Variants in ONECUT3 observed in about 807,000 individuals in gnomAD.
ONECUT3 encodes one cut domain family member 3.
Under a neutral mutation model 16.8 loss-of-function variants are expected in ONECUT3, and 11 were observed. The observed-to-expected ratio is 0.66, with a 90% CI of 0.41 to 1.09. ONECUT3 has a LOEUF of 1.09. ONECUT3 is among the 50% of genes least tolerant of loss of function. The pLI is 0.00. For synonymous variants in ONECUT3, 344 were observed against 310.7 expected (o/e 1.11, Z -1.13); for missense variants, 637 against 629.9 (o/e 1.01, Z -0.12).
chr19:1,755,549 C>T lies in ONECUT3; in HGVS notation c.1192+695C>T, dbSNP rs530739865. On this transcript the variant is annotated intron_variant, in intron 1 of 1. Coordinates refer to ENST00000382349, the MANE Select transcript of ONECUT3 (RefSeq NM_001080488.2). The surrounding 1 kb of genome is among the most constrained non-coding windows in gnomAD (Gnocchi z 7.5). ...GCGCCGCCCGGAGGCCTTCACACCCCGACCCGGCGCCCGCCCCGCGCAGTT... is the reference window on the plus strand; with the variant it reads ...GCGCCGCCCGGAGGCCTTCACACCCTGACCCGGCGCCCGCCCCGCGCAGTT... Among the ~76,000 whole-genome samples, 3 of 152,134 alleles carry T rather than the reference C, an allele frequency of 2.0e-5. No homozygotes were observed. The East Asian group carries it at 5.8e-4, about 30-fold the overall frequency.
At position 1,775,604 on chromosome 19, in the gene ONECUT3, C is replaced by T; in HGVS notation, c.*159C>T. On this transcript the variant is annotated 3_prime_UTR_variant, in exon 2 of 2. Transcript: ENST00000382349. ...ACCCGGGGAGGGGGAAGCAGCACACCCCCCAGCCCAAGTGCACAAAAAGGG... is the reference window on the plus strand; with the variant it reads ...ACCCGGGGAGGGGGAAGCAGCACACTCCCCAGCCCAAGTGCACAAAAAGGG... 6.2e-6 allele frequency: 4 copies of T among 645,076 alleles called. No homozygotes were observed. In the South Asian group the frequency reaches 9.3e-5, roughly 15 times the overall value. 40.0% of individuals were successfully genotyped at this position (645,076 alleles called of 1,614,324 possible).
At chr19:1,770,777 G>C (rs1173168075) in intron 1 of ONECUT3, among the ~76,000 whole-genome samples, 2 of 152,082 alleles carry the variant, frequency 1.3e-5, no homozygotes, top group Admixed American at 6.5e-5. Flanking sequence ...TCAGTTTTTT[G>C]CATTTCCTTC....
Position 1,754,910 on chromosome 19 carries a change from G to A in ONECUT3, c.1192+56G>A. 7.7e-7 allele frequency: 1 copy of A among 1,296,154 alleles called. No homozygotes were observed. The highest frequency in any genetic ancestry group is 9.8e-7 in the Non-Finnish European group (1 of 1,019,338). The allele number at this position is 1,296,154 out of a possible 1,614,324, so 80.3% of individuals were successfully genotyped here. On this transcript the variant is annotated intron_variant, in intron 1 of 1. Coordinates refer to ENST00000382349, the MANE Select transcript of ONECUT3 (RefSeq NM_001080488.2). This position sits in a 1 kb window ranked among gnomAD's most constrained non-coding sequence, Gnocchi z 7.4. ...GGGGGCGCCGGCTCTGGACTCCCGA[G>A]CACCTAGCGGGGCGGCGGCCGATGC...
chr19:1,772,860 ATTTTTTT>A (rs759006591), intron 1 of ONECUT3, among the ~76,000 whole-genome samples: 5 of 107,214 alleles, frequency 4.7e-5, no homozygotes, highest in African/African-American at 1.6e-4. Context: ...CGTCCAGCTA[ATTTTTTT>A]TTTTTTTTTT....
At chr19:1,774,687 TG>T (rs1397674033) in intron 1 of ONECUT3, among the ~76,000 whole-genome samples, 2 of 53,172 alleles carry the variant, frequency 3.8e-5, no homozygotes, top group African/African-American at 1.6e-4. Context: ...GGACGGGGTT[TG>T]GGGGGTATGA....
In ONECUT3 at chr19:1,777,866, G is replaced by C. The variant is rs2068124579; in HGVS notation, c.*2421G>C. ...AAAAATTAGCTGGGCGAGGTGGCAG[G>C]CACCTGTAATCCCAGCCACCTGGGA... is the stretch of plus-strand genomic sequence containing the variant. On this transcript the variant is annotated 3_prime_UTR_variant, in exon 2 of 2. Coordinates refer to ENST00000382349, the MANE Select transcript of ONECUT3 (RefSeq NM_001080488.2). The C allele has an allele frequency of 6.6e-6, 1 of 151,726 alleles. No homozygotes were observed. Among genetic ancestry groups the C allele is most frequent in the African/African-American group, 2.4e-5 (1 of 41,282 alleles). The allele number at this position is 151,726 out of a possible 1,614,324, so 9.4% of individuals were successfully genotyped here.
chr19:1,779,407 G>C lies in ONECUT3; in HGVS notation c.*3962G>C, dbSNP rs1435153184. Reference sequence around the variant, plus strand: ...TAGGAAAGAAAGGAAGAGAGAGAGAGAGCGAGCGCAAGAGAGAGAGAGAGG... The same window carrying C: ...TAGGAAAGAAAGGAAGAGAGAGAGACAGCGAGCGCAAGAGAGAGAGAGAGG... On this transcript the variant is annotated 3_prime_UTR_variant, in exon 2 of 2. Transcript: ENST00000382349. The C allele has an allele frequency of 6.6e-6, 1 of 151,948 alleles. No homozygotes were observed. Among genetic ancestry groups the C allele is most frequent in the African/African-American group, 2.4e-5 (1 of 41,322 alleles). 9.4% of individuals were successfully genotyped at this position (151,948 alleles called of 1,614,324 possible).
Position 1,754,193 on chromosome 19 carries a change from G to C in ONECUT3, c.531G>C (p.Ala177=), listed in dbSNP as rs1429060048. Residue 177 remains alanine, a synonymous_variant, in exon 1 of 2, where the codon GCG becomes GCC. Transcript: ENST00000382349. The surrounding 1 kb of genome is among the most constrained non-coding windows in gnomAD (Gnocchi z 7.4). ...SFTLMRDERA[A]LASVGHLYGP... ...CCCTCATGCGCGACGAGCGGGCGGC[G>C]CTCGCCTCCGTGGGCCACCTCTACG... The C allele has an allele frequency of 3.5e-6, 4 of 1,154,162 alleles. No homozygotes were observed. The highest frequency in any genetic ancestry group is 4.0e-5 in the South Asian group (2 of 50,118). The allele number at this position is 1,154,162 out of a possible 1,614,324, so 71.5% of individuals were successfully genotyped here. A position where few individuals can be genotyped will look rare whatever the true frequency, so the allele number is the denominator to read the frequency against.
At position 1,759,462 on chromosome 19, in the gene ONECUT3, G is replaced by C. The variant is rs1031112557; in HGVS notation, c.1192+4608G>C. ...AACCCCCACCCAAACTCTGGATGAA[G>C]GGGAGGGATGAGCAGGGAGAGGAGG... On this transcript the variant is annotated intron_variant, in intron 1 of 1. Transcript: ENST00000382349. This position sits in a 1 kb window ranked among gnomAD's most constrained non-coding sequence, Gnocchi z 4.1. 6.6e-6 allele frequency among the ~76,000 whole-genome samples: 1 copy of C among 151,828 alleles called. No homozygotes were observed. Among genetic ancestry groups the C allele is most frequent in the African/African-American group, 2.4e-5 (1 of 41,278 alleles).
chr19:1,758,058 C>A lies in ONECUT3; in HGVS notation c.1192+3204C>A, dbSNP rs565534979. On this transcript the variant is annotated intron_variant, in intron 1 of 1. Transcript: ENST00000382349. This position sits in a 1 kb window ranked among gnomAD's most constrained non-coding sequence, Gnocchi z 5.9. ...GCGGGCCACGCGTTTCCGCAGGTGC[C>A]GAGTGTCCTGCCGGGCGCCGGGGCC... Among the ~76,000 whole-genome samples the A allele has an allele frequency of 1.3e-5, 2 of 152,092 alleles. No homozygotes were observed. Among genetic ancestry groups the A allele is most frequent in the Non-Finnish European group, 2.9e-5 (2 of 68,016 alleles).
intron 1 of ONECUT3, among the ~76,000 whole-genome samples, chr19:1,756,695 A>ATTTTTTTTTTTTTTTTT (rs58105449): frequency 3.7e-4 from 37 of 101,136 alleles, no homozygotes; most frequent in East Asian, 5.9e-4. Flanking sequence ...ACGCCTGGCT[A>ATTTTTTTTTTTTTTTTT]TTTTTTTTTT....
In ONECUT3 at chr19:1,775,522, G is replaced by GCC; in HGVS notation, c.*77_*78insCC. On this transcript the variant is annotated 3_prime_UTR_variant, in exon 2 of 2. Coordinates refer to ENST00000382349, the MANE Select transcript of ONECUT3 (RefSeq NM_001080488.2). ...CCACGTCACCTCCCCACATCCTGCC[G>GCC]GCCCGGAGACCCGCCCCCAGGGGGC... is the stretch of plus-strand genomic sequence containing the variant. 1 of 1,380,462 alleles carries GCC rather than the reference G, an allele frequency of 7.2e-7. No homozygotes were observed. The highest frequency in any genetic ancestry group is 1.6e-5 in the South Asian group (1 of 61,752). The allele number at this position is 1,380,462 out of a possible 1,614,324, so 85.5% of individuals were successfully genotyped here. A position where few individuals can be genotyped will look rare whatever the true frequency, so the allele number is the denominator to read the frequency against.
chr19:1,773,430 T>C (rs1161122583), intron 1 of ONECUT3, among the ~76,000 whole-genome samples: 1 of 152,242 alleles, frequency 6.6e-6, no homozygotes, highest in Non-Finnish European at 1.5e-5. Context: ...GCTCACACCC[T>C]AGACGGGTGA....
intron 1 of ONECUT3, among the ~76,000 whole-genome samples, chr19:1,757,134 G>GT (rs150845648): frequency 6.7e-6 from 1 of 148,922 alleles, no homozygotes; most frequent in East Asian, 2.1e-4. Flanking sequence ...AAGTCCCATG[G>GT]GGGGGGGGTG....
At chr19:1,775,070 G>C in intron 1 of ONECUT3, 83 bp from the exon 2 acceptor site, 1 of 839,672 alleles carries the variant, frequency 1.2e-6, no homozygotes, top group Non-Finnish European at 1.8e-6. Flanking sequence ...TCCTCCGGGC[G>C]GCGTGCGCCT....
Position 1,775,331 on chromosome 19 carries a change from C to T in ONECUT3, c.1371C>T (p.Thr457=), listed in dbSNP as rs1405430327. ...AGCAGCTCGGCTTGGAGCTCAACAC[C>T]GTCAGCAACTTCTTCATGAACGCGC... is the stretch of plus-strand genomic sequence containing the variant. ...ISQQLGLELN[T]VSNFFMNARR... The change falls in exon 2 of 2, where the codon ACC becomes ACT. Residue 457 remains threonine, a synonymous_variant. Coordinates refer to ENST00000382349, the MANE Select transcript of ONECUT3 (RefSeq NM_001080488.2). The T allele has an allele frequency of 2.5e-6, 4 of 1,595,432 alleles. No individual in the cohort carries two copies. The highest frequency in any genetic ancestry group is 3.4e-6 in the Non-Finnish European group (4 of 1,171,346).
rs2067912855 is a variant in ONECUT3 at position 1,755,659 on chromosome 19, C to A, written c.1192+805C>A. Among the ~76,000 whole-genome samples, 1 of 152,202 alleles carries A rather than the reference C, an allele frequency of 6.6e-6. No individual in the cohort carries two copies. The highest frequency in any genetic ancestry group is 2.1e-4 in the South Asian group (1 of 4,830). On this transcript the variant is annotated intron_variant, in intron 1 of 1. Transcript: ENST00000382349. This position sits in a 1 kb window ranked among gnomAD's most constrained non-coding sequence, Gnocchi z 7.5. ...ATGTCCACTTCTCTCCTCTCTCGGT[C>A]GGAACACACTGGTATCTCTATGTTT...
At position 1,754,811 on chromosome 19, in the gene ONECUT3, G is replaced by A; in HGVS notation, c.1149G>A (p.Leu383=). ...RETFRRMWKW[L]QEPEFQRMSA... ...CCTTCCGCAGGATGTGGAAGTGGCT[G>A]CAGGAGCCAGAGTTCCAGCGCATGT... is the stretch of plus-strand genomic sequence containing the variant. The change falls in exon 1 of 2, where the codon CTG becomes CTA. Residue 383 remains leucine (L), a synonymous_variant. Transcript: ENST00000382349. This position sits in a 1 kb window ranked among gnomAD's most constrained non-coding sequence, Gnocchi z 7.4. 5 of 1,549,580 alleles carry A rather than the reference G, an allele frequency of 3.2e-6. No homozygotes were observed. The highest frequency in any genetic ancestry group is 1.2e-5 in the South Asian group (1 of 83,280).
chr19:1,760,968 C>A (rs753180514), intron 1 of ONECUT3, among the ~76,000 whole-genome samples: 2 of 151,946 alleles, frequency 1.3e-5, no homozygotes, highest in Admixed American at 6.6e-5. Flanking sequence ...CTCCAACAAC[C>A]ATTACCACTC....
Sources: allele counts gnomAD v4.1 joint callset (sites outside exome capture counted in the v4.1 genomes callset), GRCh38; gene constraint gnomAD v4.1.1; non-coding constraint Gnocchi (gnomAD v3.1); transcripts MANE v1.5; gene names NCBI Gene and HGNC (gene_info 2026-07-23, HGNC 2026-07-21).